Variants in TOM1 observed in about 807,000 individuals in gnomAD.
TOM1 encodes the protein target of Myb protein 1.
In TOM1, 38 loss-of-function variants were observed where a neutral mutation model predicts 61.3. The observed-to-expected ratio is 0.62, with a 90% confidence interval of 0.48 to 0.81. The LOEUF is 0.81. TOM1 is among the 40% of genes least tolerant of loss of function. The pLI is 0.00. For synonymous variants in TOM1, 270 were observed against 268.8 expected (o/e 1.00, Z -0.04); for missense variants, 591 against 659.6 (o/e 0.90, Z 1.14).
Position 35,323,136 on chromosome 22 carries a change from C to T in TOM1, c.325C>T (p.Pro109Ser), listed in dbSNP as rs1927967528. ...GAGGACCATCCTGCCCAAGAACAACCCACCCACCATCGTGCATGACAAAGT... is the reference window on the plus strand; with the variant it reads ...GAGGACCATCCTGCCCAAGAACAACTCACCCACCATCGTGCATGACAAAGT... ...LVRTILPKNNPPTIVHDKVLN... is the reference protein window; with the variant it reads ...LVRTILPKNNSPTIVHDKVLN... The change falls in exon 4 of 15, where the codon CCA (proline) becomes TCA (serine). Residue 109 changes from proline (P) to serine (S), a missense_variant. Transcript: ENST00000449058. The surrounding 1 kb of genome is among the most constrained non-coding windows in gnomAD (Gnocchi z 4.2). 9.3e-6 allele frequency: 15 copies of T among 1,614,132 alleles called. No individual in the cohort carries two copies. Among genetic ancestry groups the T allele is most frequent in the Non-Finnish European group, 1.2e-5 (14 of 1,180,036 alleles).
intron 7 of TOM1, among the ~76,000 whole-genome samples, chr22:35,329,896 A>G (rs1928665655): frequency 6.6e-6 from 1 of 152,190 alleles, no homozygotes. Context: ...GTAGAACCCA[A>G]AAAGCTGTTC....
At chr22:35,305,358 G>A (rs371189937) in intron 1 of TOM1, among the ~76,000 whole-genome samples, 65 of 152,306 alleles carry the variant, frequency 4.3e-4, no homozygotes, top group African/African-American at 1.5e-3. Context: ...TGATGCCAGA[G>A]GGAAGAAAGA....
chr22:35,304,038 G>A (rs970584678), intron 1 of TOM1, among the ~76,000 whole-genome samples: 6 of 152,132 alleles, frequency 3.9e-5, no homozygotes, highest in East Asian at 1.9e-4. Flanking sequence ...TTCTGCTAGC[G>A]TCCTGGGTAT....
chr22:35,320,987 G>GAAAAAAAAAAAAAAAAAAAAAAAAAA (rs138783), intron 2 of TOM1, among the ~76,000 whole-genome samples: 1 of 88,914 alleles, frequency 1.1e-5, no homozygotes, highest in Non-Finnish European at 2.4e-5. Flanking sequence ...GTCTCAGAAG[G>GAAAAAAAAAAAAAAAAAAAAAAAAAA]AAAAAAAAAA....
chr22:35,317,605 G>C (rs1927406984), intron 1 of TOM1, among the ~76,000 whole-genome samples: 1 of 152,136 alleles, frequency 6.6e-6, no homozygotes, highest in Non-Finnish European at 1.5e-5. Flanking sequence ...ATTCCCCTCT[G>C]GTGCATCCCT....
chr22:35,314,840 G>A (rs113612209), intron 1 of TOM1, among the ~76,000 whole-genome samples: 2 of 152,370 alleles, frequency 1.3e-5, no homozygotes, highest in African/African-American at 4.8e-5. Context: ...ACCTCTGTGT[G>A]CCCTTTGCAA....
chr22:35,343,203 ACACACACACC>A (rs1930076186), intron 12 of TOM1, among the ~76,000 whole-genome samples: 1 of 90,218 alleles, frequency 1.1e-5, no homozygotes. Flanking sequence ...TCATACGCCT[ACACACACACC>A]CCTACACACA....
Position 35,323,724 on chromosome 22 carries a change from G to C in TOM1, c.502-44G>C. 6.2e-7 allele frequency: 1 copy of C among 1,603,956 alleles called. No homozygotes were observed. The highest frequency in any genetic ancestry group is 8.5e-7 in the Non-Finnish European group (1 of 1,173,272). ...CTGGCCCCTGACTTCCTGGGCTCTT[G>C]ATGTTCCCAGGAGCCCTCACTGATC... On this transcript the variant is annotated intron_variant, in intron 5 of 14. Coordinates refer to ENST00000449058, the MANE Select transcript of TOM1 (RefSeq NM_005488.3). The surrounding 1 kb of genome is among the most constrained non-coding windows in gnomAD (Gnocchi z 4.2).
chr22:35,328,365 G>A (rs1928521661), intron 7 of TOM1, among the ~76,000 whole-genome samples: 1 of 152,234 alleles, frequency 6.6e-6, no homozygotes, highest in Admixed American at 6.5e-5. Flanking sequence ...TGCAGGGACA[G>A]CTCCCATGCA....
At chr22:35,339,996 G>A (rs1377606461) in intron 12 of TOM1, among the ~76,000 whole-genome samples, 4 of 152,250 alleles carry the variant, frequency 2.6e-5, no homozygotes, top group African/African-American at 9.6e-5. Flanking sequence ...TGTGTTGAGT[G>A]ACAGCCACTT....
chr22:35,331,744 G>A (rs972559719), intron 8 of TOM1, among the ~76,000 whole-genome samples: 2 of 152,086 alleles, frequency 1.3e-5, no homozygotes, highest in South Asian at 4.1e-4. Context: ...AAAATTAGCC[G>A]GAGGTGGTGG....
chr22:35,310,282 C>T (rs897281269), intron 1 of TOM1, among the ~76,000 whole-genome samples: 1 of 152,016 alleles, frequency 6.6e-6, no homozygotes, highest in African/African-American at 2.4e-5. Flanking sequence ...CAAAGGGTCA[C>T]GGTGGCTCAC....
At chr22:35,305,600 C>T (rs1205434995) in intron 1 of TOM1, among the ~76,000 whole-genome samples, 2 of 150,794 alleles carry the variant, frequency 1.3e-5, no homozygotes, top group African/African-American at 4.9e-5. Context: ...GCGAAGGTTG[C>T]AGTGAGCCAA....
At position 35,323,589 on chromosome 22, in the gene TOM1, A is replaced by T. The variant is rs1156281507; in HGVS notation, c.460A>T (p.Thr154Ser). 6.2e-7 allele frequency: 1 copy of T among 1,613,996 alleles called. No individual in the cohort carries two copies. The highest frequency in any genetic ancestry group is 8.5e-7 in the Non-Finnish European group (1 of 1,179,988). ...GAGGAAAGGCCTGGAGTTCCCCATGACTGACCTGGACATGCTGTCACCCAT... is the reference window on the plus strand; with the variant it reads ...GAGGAAAGGCCTGGAGTTCCCCATGTCTGACCTGGACATGCTGTCACCCAT... ...LRRKGLEFPMTDLDMLSPIHT... is the reference protein window; with the variant it reads ...LRRKGLEFPMSDLDMLSPIHT... Residue 154 changes from threonine (T) to serine (S), a missense_variant, in exon 5 of 15, where the codon ACT becomes TCT. Thr to Ser is a moderately conservative substitution (Grantham distance 58). Coordinates refer to ENST00000449058, the MANE Select transcript of TOM1 (RefSeq NM_005488.3). This position sits in a 1 kb window ranked among gnomAD's most constrained non-coding sequence, Gnocchi z 4.2.
In TOM1 at chr22:35,333,439, C is replaced by T. The variant is rs537833195; in HGVS notation, c.969C>T (p.Ile323=). The change falls in exon 10 of 15, where the codon ATC becomes ATT. Residue 323 remains isoleucine, a synonymous_variant. Coordinates refer to ENST00000449058, the MANE Select transcript of TOM1 (RefSeq NM_005488.3). ...AGGCCGAGCCGGCAGCTGACCTGAT[C>T]GACATGGGCCCTGACCCAGCAGCCA... The part of the protein sequence containing the change: ...PSEAEPAADL[I]DMGPDPAATG... The T allele has an allele frequency of 1.1e-5, 17 of 1,614,112 alleles. No homozygotes were observed. In the South Asian group the frequency reaches 1.2e-4, roughly 11 times the overall value.
chr22:35,299,824 C>T (rs1353852935), upstream of TOM1: 4 of 1,354,136 alleles, frequency 3.0e-6, no homozygotes, highest in South Asian at 3.8e-5. Context: ...CACCGCCCCG[C>T]CCACGCCTCC....
In TOM1 at chr22:35,333,427, A is replaced by C. The variant is rs150557053; in HGVS notation, c.957A>C (p.Ala319=). 2.5e-6 allele frequency: 4 copies of C among 1,613,960 alleles called. No individual in the cohort carries two copies. The highest frequency in any genetic ancestry group is 2.7e-5 in the African/African-American group (2 of 74,928). Residue 319 remains alanine, a synonymous_variant, in exon 10 of 15, where the codon GCA becomes GCC. Transcript: ENST00000449058. ...TTKAPSEAEP[A]ADLIDMGPDP... is the part of the protein sequence containing the mutation. Reference sequence around the variant, plus strand: ...AGGCCCCAAGTGAGGCCGAGCCGGCAGCTGACCTGATCGACATGGGCCCTG... The same window carrying C: ...AGGCCCCAAGTGAGGCCGAGCCGGCCGCTGACCTGATCGACATGGGCCCTG...
At chr22:35,317,756 G>A (rs995575558) in intron 1 of TOM1, 121 bp from the exon 2 acceptor site, 2 of 721,272 alleles carry the variant, frequency 2.8e-6, no homozygotes, top group Non-Finnish European at 5.1e-6. Flanking sequence ...CCCAGGAAGT[G>A]TCTGTCATCT....
Position 35,323,399 on chromosome 22 carries a change from AAGC to A in TOM1, c.367-94_367-92del. 2 of 1,485,112 alleles carry A rather than the reference AAGC, an allele frequency of 1.3e-6. No homozygotes were observed. Among genetic ancestry groups the A allele is most frequent in the Admixed American group, 2.1e-5 (1 of 48,386 alleles). 92.0% of individuals were successfully genotyped at this position (1,485,112 alleles called of 1,614,324 possible). A position where few individuals can be genotyped will look rare whatever the true frequency, so the allele number is the denominator to read the frequency against. ...GCAGATGTAGTTAAAAAAAAAAAAA[AAGC>A]AGGGAAAGAATGTCTGTTCTCTGTC... On this transcript the variant is annotated intron_variant, in intron 4 of 14. Coordinates refer to ENST00000449058, the MANE Select transcript of TOM1 (RefSeq NM_005488.3). This position sits in a 1 kb window ranked among gnomAD's most constrained non-coding sequence, Gnocchi z 4.2.
Sources: allele counts gnomAD v4.1 joint callset (sites outside exome capture counted in the v4.1 genomes callset), GRCh38; gene constraint gnomAD v4.1.1; non-coding constraint Gnocchi (gnomAD v3.1); transcripts MANE v1.5; gene names NCBI Gene and HGNC (gene_info 2026-07-23, HGNC 2026-07-21).